Variants in TRIO observed in about 807,000 individuals in gnomAD.
The protein encoded by TRIO is triple functional domain protein.
A neutral mutation model predicts 351.9 loss-of-function variants in TRIO; 58 were observed. The ratio of observed to expected loss-of-function variants is 0.16; its 90% CI spans 0.13 to 0.21. TRIO has a LOEUF of 0.21. TRIO is among the 10% of genes least tolerant of loss of function. The pLI is 1.00. For missense variants in TRIO, 3,201 were observed against 4,027.8 expected (o/e 0.79, Z 5.56); for synonymous variants, 1,758 against 1,595.7 (o/e 1.10, Z -2.42).
intron 49 of TRIO, among the ~76,000 whole-genome samples, chr5:14,495,556 T>C (rs1756818957): frequency 6.8e-6 from 1 of 147,856 alleles, no homozygotes; most frequent in Non-Finnish European, 1.5e-5. Context: ...GCGTAGTGGC[T>C]CATGCCTGTA....
intron 1 of TRIO, among the ~76,000 whole-genome samples, chr5:14,163,017 C>CT (rs536550885): frequency 1.3e-5 from 2 of 152,030 alleles, no homozygotes; most frequent in Non-Finnish European, 2.9e-5. Flanking sequence ...TTAAATTTTA[C>CT]TTTAAGTTCT....
chr5:14,388,709 TTG>T, intron 24 of TRIO, 30 bp downstream of exon 24: 2 of 1,472,732 alleles, frequency 1.4e-6, no homozygotes, highest in Non-Finnish European at 1.9e-6. Context: ...TTTTTTTTGC[TTG>T]TTTATTTAGA....
At chr5:14,478,397 A>G (rs1218083864) in intron 41 of TRIO, among the ~76,000 whole-genome samples, 3 of 152,224 alleles carry the variant, frequency 2.0e-5, no homozygotes, top group Non-Finnish European at 4.4e-5. Flanking sequence ...CAGCACAACA[A>G]AAAGGACAAC....
At chr5:14,462,393 C>G (rs1418124988) in intron 35 of TRIO, among the ~76,000 whole-genome samples, 1 of 152,110 alleles carries the variant, frequency 6.6e-6, no homozygotes, top group Non-Finnish European at 1.5e-5. Context: ...TAGCAAGATA[C>G]CCAAAGTGAA....
intron 54 of TRIO, 26 bp from the exon 55 acceptor site, chr5:14,504,367 A>G (rs377193876): frequency 1.9e-6 from 3 of 1,613,266 alleles, no homozygotes; most frequent in Non-Finnish European, 2.5e-6. Flanking sequence ...AGCCTCTGCA[A>G]ATGGTCCCCC....
At position 14,502,677 on chromosome 5, in the gene TRIO, A is replaced by G; in HGVS notation, c.8411+20A>G. 6.2e-7 allele frequency: 1 copy of G among 1,613,328 alleles called. No homozygotes were observed. Among genetic ancestry groups the G allele is most frequent in the South Asian group, 1.1e-5 (1 of 91,052 alleles). ...TGGCAGGTATGATGCACAACCCAGA[A>G]CGCCTTCCGAAAGAGCAGAGCGTGG... On this transcript the variant is annotated intron_variant, in intron 54 of 56. Transcript: ENST00000344204.
intron 1 of TRIO, among the ~76,000 whole-genome samples, chr5:14,165,154 G>C (rs1788692462): frequency 6.6e-6 from 1 of 152,144 alleles, no homozygotes; most frequent in Admixed American, 6.5e-5. Context: ...AGATACAGGG[G>C]ATATACGAGC....
At chr5:14,420,375 G>A (rs751734290) in intron 34 of TRIO, 23 of 221,014 alleles carry the variant, frequency 1.0e-4, no homozygotes, top group Admixed American at 9.1e-4. Context: ...CCATCCCCTG[G>A]CTCCAGAGGG....
At position 14,303,916 on chromosome 5, in the gene TRIO, C is replaced by T. The variant is rs114645804; in HGVS notation, c.1369-545C>T. 6.8e-3 allele frequency among the ~76,000 whole-genome samples: 1,029 copies of T among 152,266 alleles called. 12 individuals carry two copies. The highest frequency in any genetic ancestry group is 0.01 in the Non-Finnish European group (690 of 68,016). ...GTGTCAATTTCCTTTGAAACAGTAG[C>T]GGAATGGACTGGCTGCTCTTCCTTA... On this transcript the variant is annotated intron_variant, in intron 7 of 56. Coordinates refer to ENST00000344204, the MANE Select transcript of TRIO (RefSeq NM_007118.4).
At chr5:14,441,458 A>G (rs1446435506) in intron 34 of TRIO, 1 of 153,968 alleles carries the variant, frequency 6.5e-6, no homozygotes, top group East Asian at 1.9e-4. Flanking sequence ...GCTTTAAAAC[A>G]GAAATGTTTT....
intron 49 of TRIO, among the ~76,000 whole-genome samples, chr5:14,495,909 A>G (rs1434215621): frequency 6.6e-6 from 1 of 152,110 alleles, no homozygotes; most frequent in Non-Finnish European, 1.5e-5. Context: ...TGGAGCTTGC[A>G]GTGAGCCGAG....
chr5:14,216,020 T>C (rs1792195756), intron 1 of TRIO, among the ~76,000 whole-genome samples: 2 of 152,340 alleles, frequency 1.3e-5, no homozygotes, highest in South Asian at 4.1e-4. Context: ...TTTCCTTGTC[T>C]GTAAATTAGA....
intron 28 of TRIO, among the ~76,000 whole-genome samples, chr5:14,396,487 T>TG (rs1747606313): frequency 6.6e-5 from 7 of 106,350 alleles, no homozygotes; most frequent in Admixed American, 9.8e-5. Context: ...TTTTTTTTTT[T>TG]GAGACAGGGT....
At position 14,214,716 on chromosome 5, in the gene TRIO, C is replaced by T. The variant is rs1192012083; in HGVS notation, c.158-56109C>T. Among the ~76,000 whole-genome samples the T allele has an allele frequency of 3.3e-5, 5 of 152,176 alleles. No individual in the cohort carries two copies. In the East Asian group the frequency reaches 9.6e-4, roughly 29 times the overall value. On this transcript the variant is annotated intron_variant, in intron 1 of 56. Transcript: ENST00000344204. ...TTATTTTTTAATGGATGAATGAAAC[C>T]GAGTGTTATATTTCACTTTGATGAT...
At chr5:14,301,262 G>T (rs143352482) in intron 7 of TRIO, among the ~76,000 whole-genome samples, 2 of 152,084 alleles carry the variant, frequency 1.3e-5, no homozygotes, top group African/African-American at 4.8e-5. Context: ...CATTTATTCA[G>T]CAACACTTTC....
Position 14,212,122 on chromosome 5 carries a change from G to A in TRIO, c.158-58703G>A, listed in dbSNP as rs1791944012. On this transcript the variant is annotated intron_variant, in intron 1 of 56. Transcript: ENST00000344204. ...TCACTGCACTGCAGCCTGGGCGACA[G>A]AGTGAGACATTGTCTTAAAAAGAAA... Among the ~76,000 whole-genome samples the A allele has an allele frequency of 2.0e-5, 3 of 152,172 alleles. No individual in the cohort carries two copies. The South Asian group carries it at 6.2e-4, about 32-fold the overall frequency.
At position 14,441,150 on chromosome 5, in the gene TRIO, G is replaced by T. The variant is rs570527886; in HGVS notation, c.5204-19869G>T. On this transcript the variant is annotated intron_variant, in intron 34 of 56. Coordinates refer to ENST00000344204, the MANE Select transcript of TRIO (RefSeq NM_007118.4). ...CTGTGTCTGAGTGTCTGTTTAGCTG[G>T]TCGCTGCTTTTGCTGCCAAGCGGGT... 5 of 152,984 alleles carry T rather than the reference G, an allele frequency of 3.3e-5. No homozygotes were observed. In the East Asian group the frequency reaches 9.6e-4, roughly 29 times the overall value. 9.5% of individuals were successfully genotyped at this position (152,984 alleles called of 1,614,324 possible).
intron 45 of TRIO, 113 bp downstream of exon 45, chr5:14,481,731 C>A: frequency 1.2e-6 from 1 of 820,220 alleles, no homozygotes; most frequent in Non-Finnish European, 1.8e-6. Flanking sequence ...GGTTTTCTGG[C>A]TTCTCTCACT....
intron 11 of TRIO, among the ~76,000 whole-genome samples, chr5:14,351,334 G>A (rs73749082): frequency 0.034 from 5,190 of 152,318 alleles, 323 homozygotes; most frequent in African/African-American, 0.12. Flanking sequence ...ACCTGAAACT[G>A]TGTCACATTT....
Sources: gnomAD v4.1 joint callset for allele counts (sites outside exome capture counted in the v4.1 genomes callset) on GRCh38, gnomAD v4.1.1 for gene constraint, MANE v1.5 for transcripts, NCBI Gene and HGNC (gene_info 2026-07-23, HGNC 2026-07-21) for gene names.